JARID2: variants seen among roughly 807,000 people sequenced by gnomAD.
JARID2 encodes the protein jumonji and AT-rich interaction domain containing 2.
JARID2 carries 21 observed loss-of-function variants against 125.6 expected under a neutral mutation model. The ratio of observed to expected loss-of-function variants is 0.17; its 90% CI spans 0.12 to 0.24. The LOEUF is 0.24. Ranked by LOEUF, JARID2 falls within the 10% of genes least tolerant of loss-of-function variation. The pLI is 1.00. For synonymous variants in JARID2, 736 were observed against 661.6 expected, an observed-to-expected ratio of 1.11 and a Z score of -1.73; for missense variants, 1,303 against 1,639.6, an observed-to-expected ratio of 0.79 and a Z score of 3.55.
chr6:15,421,317 C>A (rs796847265), intron 3 of JARID2, among the ~76,000 whole-genome samples: 19 of 151,588 alleles, frequency 1.3e-4, no homozygotes, highest in African/African-American at 4.6e-4. Flanking sequence ...TCTTTCTGTT[C>A]TTTGAATGTT....
intron 1 of JARID2, among the ~76,000 whole-genome samples, chr6:15,340,646 C>G (rs1353526123): frequency 6.6e-6 from 1 of 152,062 alleles, no homozygotes; most frequent in East Asian, 1.9e-4. Flanking sequence ...ACTTAGGAGC[C>G]CTGCTGGTGT....
chr6:15,331,349 ACAAAAAC>A (rs1354778335), intron 1 of JARID2, among the ~76,000 whole-genome samples: 1 of 151,100 alleles, frequency 6.6e-6, no homozygotes. Flanking sequence ...AAAAACAAAA[ACAAAAAC>A]AAAAAAAACA....
chr6:15,308,987 C>A (rs1205089206), intron 1 of JARID2, among the ~76,000 whole-genome samples: 1 of 152,214 alleles, frequency 6.6e-6, no homozygotes, highest in Non-Finnish European at 1.5e-5. Context: ...GGTTGACTGA[C>A]TGCCCTTCCT....
At chr6:15,360,384 C>T (rs928521764) in intron 1 of JARID2, among the ~76,000 whole-genome samples, 16 of 152,034 alleles carry the variant, frequency 1.1e-4, no homozygotes, top group African/African-American at 3.4e-4. Flanking sequence ...GGAGTTTCAC[C>T]GTGTTGGCCT....
intron 6 of JARID2, among the ~76,000 whole-genome samples, chr6:15,488,751 T>TG (rs574002682): frequency 5.5e-4 from 84 of 152,086 alleles, no homozygotes; most frequent in African/African-American, 1.6e-3. Context: ...AGTATGCAGT[T>TG]GGGGGGGTGG....
intron 1 of JARID2, among the ~76,000 whole-genome samples, chr6:15,365,187 C>T (rs1469136408): frequency 6.6e-6 from 1 of 152,182 alleles, no homozygotes; most frequent in Non-Finnish European, 1.5e-5. Flanking sequence ...TTTTTGAAGA[C>T]ACTGGCCAAT....
chr6:15,445,044 C>T (rs1234633928), intron 3 of JARID2, among the ~76,000 whole-genome samples: 1 of 151,996 alleles, frequency 6.6e-6, no homozygotes, highest in East Asian at 1.9e-4. Context: ...TTTAATTAAC[C>T]TGGAAATTGC....
intron 1 of JARID2, among the ~76,000 whole-genome samples, chr6:15,297,338 C>T (rs912300521): frequency 1.7e-4 from 26 of 151,682 alleles, no homozygotes; most frequent in Admixed American, 4.6e-4. Flanking sequence ...TTAGTAGAGA[C>T]GGGGTTTTAT....
At chr6:15,248,970 G>A (rs889635145) in intron 1 of JARID2, 1 of 985,416 alleles carries the variant, frequency 1.0e-6, no homozygotes, top group East Asian at 1.1e-4. Context: ...ACCAGGTGAG[G>A]GCCGGGGAGC....
intron 12 of JARID2, 31 bp from the exon 13 acceptor site, chr6:15,511,265 T>C (rs750931480): frequency 1.3e-6 from 2 of 1,503,600 alleles, no homozygotes; most frequent in South Asian, 2.3e-5. Context: ...GTCAAGTCTC[T>C]GCTTGTCTCT....
intron 1 of JARID2, among the ~76,000 whole-genome samples, chr6:15,351,780 G>T (rs186640820): frequency 2.6e-5 from 4 of 152,044 alleles, no homozygotes; most frequent in Non-Finnish European, 5.9e-5. Context: ...TTATAAAATG[G>T]GATGTTTTGG....
Position 15,520,789 on chromosome 6 carries a change from C to T in JARID2, c.*538C>T, listed in dbSNP as rs530943520. ...GTGATCTGGGAAGCCGGGGCACCCC[C>T]GTTTTGTTTCTCTGGGCGGTTGTGG... On this transcript the variant is annotated 3_prime_UTR_variant, in exon 18 of 18. Coordinates refer to ENST00000341776, the MANE Select transcript of JARID2 (RefSeq NM_004973.4). The T allele has an allele frequency of 4.2e-4, 192 of 455,946 alleles. No individual in the cohort carries two copies. The highest frequency in any genetic ancestry group is 2.9e-3 in the African/African-American group (144 of 50,170). The allele number at this position is 455,946 out of a possible 1,614,324, so 28.2% of individuals were successfully genotyped here.
chr6:15,317,394 C>G (rs1762214585), intron 1 of JARID2, among the ~76,000 whole-genome samples: 2 of 152,148 alleles, frequency 1.3e-5, no homozygotes, highest in African/African-American at 4.8e-5. Flanking sequence ...AAAGGTGATG[C>G]ATAGGTTTGC....
At chr6:15,494,671 G>C (rs1315301585) in intron 6 of JARID2, among the ~76,000 whole-genome samples, 1 of 152,176 alleles carries the variant, frequency 6.6e-6, no homozygotes, top group African/African-American at 2.4e-5. Flanking sequence ...GCCTCCCAAA[G>C]TGCTGGGATT....
rs1485508358 is a variant in JARID2, at chr6:15,499,999, C to G, written c.1946-908C>G. On this transcript the variant is annotated intron_variant, in intron 7 of 17. Transcript: ENST00000341776. Reference sequence around the variant, plus strand: ...CTTTTATTACTTAAAAACAATATATCCCCACACTCTAAAGATTTAAAACGT... The same window carrying G: ...CTTTTATTACTTAAAAACAATATATGCCCACACTCTAAAGATTTAAAACGT... Among the ~76,000 whole-genome samples, 4 of 152,284 alleles carry G rather than the reference C, an allele frequency of 2.6e-5. No homozygotes were observed. The East Asian group carries it at 7.7e-4, about 29-fold the overall frequency.
At chr6:15,404,543 AC>A in intron 2 of JARID2, among the ~76,000 whole-genome samples, 1 of 150,080 alleles carries the variant, frequency 6.7e-6, no homozygotes, top group African/African-American at 2.5e-5. Flanking sequence ...ACACACACAC[AC>A]ACACACACAC....
intron 1 of JARID2, among the ~76,000 whole-genome samples, chr6:15,287,425 G>A (rs947306719): frequency 2.6e-5 from 4 of 152,140 alleles, no homozygotes; most frequent in Non-Finnish European, 4.4e-5. Flanking sequence ...TCTAATTATT[G>A]TAATTTTAAA....
intron 1 of JARID2, among the ~76,000 whole-genome samples, chr6:15,363,280 C>T (rs1191103209): frequency 4.6e-5 from 7 of 152,194 alleles, no homozygotes; most frequent in Admixed American, 3.9e-4. Flanking sequence ...GCACTTCTCA[C>T]GTGTAATCCC....
intron 2 of JARID2, among the ~76,000 whole-genome samples, chr6:15,403,258 A>G (rs2127558198): frequency 1.3e-5 from 2 of 152,286 alleles, no homozygotes; most frequent in East Asian, 3.9e-4. Context: ...TTTGTGTTGA[A>G]TAAAGTTAAA....
Sources: allele counts gnomAD v4.1 joint callset (sites outside exome capture counted in the v4.1 genomes callset), GRCh38; gene constraint gnomAD v4.1.1; transcripts MANE v1.5; gene names NCBI Gene and HGNC (gene_info 2026-07-23, HGNC 2026-07-21).